The following AK5 variants were observed in gnomAD, a reference collection of about 807,000 sequenced individuals.
AK5 encodes adenylate kinase isoenzyme 5.
A neutral mutation model predicts 69.5 loss-of-function variants in AK5; 27 were observed. That is an observed-to-expected ratio of 0.39 (90% CI 0.29 to 0.54). The LOEUF (loss-of-function observed/expected upper bound fraction) is 0.54, where lower values mean the gene tolerates loss of function less well. AK5 is among the 20% of genes least tolerant of loss of function. The pLI is 0.71. For missense variants in AK5, 531 were observed against 700.4 expected, an observed-to-expected ratio of 0.76 and a Z score of 2.73; for synonymous variants, 260 against 244.4, an observed-to-expected ratio of 1.06 and a Z score of -0.60.
intron 5 of AK5, among the ~76,000 whole-genome samples, chr1:77,327,635 C>T (rs753550197): frequency 2.6e-5 from 4 of 152,190 alleles, no homozygotes; most frequent in Non-Finnish European, 4.4e-5. Context: ...AGGCATAGCT[C>T]ACCCCACAGG....
chr1:77,479,885 T>A (rs77620777), intron 8 of AK5, among the ~76,000 whole-genome samples: 1 of 152,172 alleles, frequency 6.6e-6, no homozygotes, highest in South Asian at 2.1e-4. Context: ...GGGTTGAGTC[T>A]TCTCAAGTGA....
At chr1:77,380,287 G>T (rs973920308) in intron 6 of AK5, among the ~76,000 whole-genome samples, 5 of 152,176 alleles carry the variant, frequency 3.3e-5, no homozygotes, top group Admixed American at 3.3e-4. Context: ...TCAAGCACTT[G>T]CTGAGTACCA....
Position 77,387,092 on chromosome 1 carries a change from G to A in AK5, c.892-23889G>A, listed in dbSNP as rs370632151. 5.9e-5 allele frequency among the ~76,000 whole-genome samples: 9 copies of A among 152,286 alleles called. No individual in the cohort carries two copies. The East Asian group carries it at 9.6e-4, about 16-fold the overall frequency. On this transcript the variant is annotated intron_variant, in intron 6 of 13. Transcript: ENST00000354567. ...CTACATTTTCTTTGTCCGTTCATCTGTTCATGGATGCACAGGTTGATTTCA... is the reference window on the plus strand; with the variant it reads ...CTACATTTTCTTTGTCCGTTCATCTATTCATGGATGCACAGGTTGATTTCA...
chr1:77,519,008 T>C (rs895960812), intron 11 of AK5, among the ~76,000 whole-genome samples: 23 of 152,104 alleles, frequency 1.5e-4, no homozygotes, highest in African/African-American at 5.6e-4. Context: ...CATCCCACTT[T>C]AGAATTGGAA....
At chr1:77,403,436 C>A (rs1389229188) in intron 6 of AK5, among the ~76,000 whole-genome samples, 2 of 152,026 alleles carry the variant, frequency 1.3e-5, no homozygotes, top group Non-Finnish European at 2.9e-5. Flanking sequence ...TTAGGTCTAA[C>A]ATTTAAGTCT....
chr1:77,502,420 A>G (rs1030350326), intron 10 of AK5, among the ~76,000 whole-genome samples: 2 of 152,190 alleles, frequency 1.3e-5, no homozygotes, highest in Non-Finnish European at 2.9e-5. Context: ...TTCCACTAAC[A>G]TCTCATTGGT....
intron 1 of AK5, among the ~76,000 whole-genome samples, chr1:77,286,645 G>A (rs1658368324): frequency 6.6e-6 from 1 of 151,984 alleles, no homozygotes; most frequent in South Asian, 2.1e-4. Context: ...TAAGGAGTTC[G>A]AAACCAACCT....
At chr1:77,292,391 T>C (rs888858040) in intron 2 of AK5, among the ~76,000 whole-genome samples, 1 of 152,132 alleles carries the variant, frequency 6.6e-6, no homozygotes, top group Admixed American at 6.5e-5. Flanking sequence ...TGGCCTTATT[T>C]ATTGTATCAA....
intron 5 of AK5, among the ~76,000 whole-genome samples, chr1:77,301,747 G>A (rs185250391): frequency 6.6e-6 from 1 of 152,276 alleles, no homozygotes; most frequent in Admixed American, 6.5e-5. Flanking sequence ...GAGTGGAGGA[G>A]CAAGCCCAGG....
chr1:77,385,364 C>T (rs1260829728), intron 6 of AK5, among the ~76,000 whole-genome samples: 1 of 151,972 alleles, frequency 6.6e-6, no homozygotes, highest in Non-Finnish European at 1.5e-5. Context: ...TTTCACCGTG[C>T]TGGCCAGGAT....
chr1:77,451,249 T>G (rs1185898015), intron 8 of AK5, among the ~76,000 whole-genome samples: 1 of 151,968 alleles, frequency 6.6e-6, no homozygotes, highest in African/African-American at 2.4e-5. Flanking sequence ...ATACAAAAAG[T>G]ATAAAGAAGA....
chr1:77,375,291 A>G (rs1346864388), intron 6 of AK5, among the ~76,000 whole-genome samples: 1 of 152,232 alleles, frequency 6.6e-6, no homozygotes, highest in African/African-American at 2.4e-5. Flanking sequence ...TGGCATGCCA[A>G]ACTTGATCAG....
At chr1:77,444,268 AG>A (rs1248334488) in intron 8 of AK5, among the ~76,000 whole-genome samples, 2 of 35,810 alleles carry the variant, frequency 5.6e-5, no homozygotes, top group Non-Finnish European at 1.1e-4. Context: ...GTATATATAT[AG>A]TATATATACA....
intron 5 of AK5, among the ~76,000 whole-genome samples, chr1:77,318,302 C>A (rs919971040): frequency 1.3e-5 from 2 of 152,058 alleles, no homozygotes; most frequent in African/African-American, 4.8e-5. Flanking sequence ...ACAACTAGAT[C>A]TTGTGAGAAC....
intron 8 of AK5, among the ~76,000 whole-genome samples, chr1:77,429,267 T>C (rs897091807): frequency 1.3e-5 from 2 of 152,184 alleles, no homozygotes; most frequent in African/African-American, 4.8e-5. Context: ...GCACCTGTTG[T>C]TTCCTGACTT....
At chr1:77,330,234 T>G (rs721514) in intron 5 of AK5, among the ~76,000 whole-genome samples, 10,163 of 152,266 alleles carry the variant, frequency 0.067, 473 homozygotes, top group East Asian at 0.2. Flanking sequence ...TTTTTCTCTA[T>G]TTTAAAGCAA....
intron 12 of AK5, among the ~76,000 whole-genome samples, chr1:77,524,381 C>G (rs1207889875): frequency 1.3e-5 from 2 of 152,200 alleles, no homozygotes; most frequent in African/African-American, 4.8e-5. Context: ...ATACATACTG[C>G]CAGCCATAGT....
intron 6 of AK5, among the ~76,000 whole-genome samples, chr1:77,361,531 G>A (rs1207141567): frequency 6.6e-6 from 1 of 152,150 alleles, no homozygotes; most frequent in African/African-American, 2.4e-5. Context: ...CTTATACAAA[G>A]TTTGGGCAAC....
chr1:77,350,062 G>A (rs1662115307), intron 6 of AK5, among the ~76,000 whole-genome samples: 1 of 152,152 alleles, frequency 6.6e-6, no homozygotes, highest in Admixed American at 6.5e-5. Context: ...CATATCCAGG[G>A]TACCACAGCA....
Sources: allele counts gnomAD v4.1 joint callset (sites outside exome capture counted in the v4.1 genomes callset), GRCh38; gene constraint gnomAD v4.1.1; transcripts MANE v1.5; gene names NCBI Gene and HGNC (gene_info 2026-07-23, HGNC 2026-07-21).